Variants in SYT3 observed in about 807,000 individuals in gnomAD.
SYT3 encodes the protein synaptotagmin-3.
Under a neutral mutation model 50.6 loss-of-function variants are expected in SYT3, and 25 were observed. The observed-to-expected ratio is 0.49, with a 90% CI of 0.36 to 0.69. The LOEUF is 0.69. SYT3 is among the 30% of genes least tolerant of loss of function. The pLI is 0.00. For missense variants in SYT3, 589 were observed against 793.6 expected (o/e 0.74, Z 3.10); for synonymous variants, 323 against 353.9 (o/e 0.91, Z 0.98).
chr19:50,648,460 A>G, the SYT3 span, among the ~76,000 whole-genome samples: 3 of 152,190 alleles, frequency 2.0e-5, no homozygotes, highest in Non-Finnish European at 4.4e-5. Flanking sequence ...CAGACAAAAC[A>G]AATAAGCGAA....
chr19:50,649,995 CCT>C, the SYT3 span, among the ~76,000 whole-genome samples: 2 of 152,204 alleles, frequency 1.3e-5, no homozygotes, highest in East Asian at 3.9e-4. Context: ...CCCATTCCTT[CCT>C]CTCTGTCCCC....
At chr19:50,648,764 C>G in the SYT3 span, among the ~76,000 whole-genome samples, 1 of 152,150 alleles carries the variant, frequency 6.6e-6, no homozygotes, top group Non-Finnish European at 1.5e-5. Flanking sequence ...AGAGAACCCA[C>G]TTTCGTTGGA....
the SYT3 span, among the ~76,000 whole-genome samples, chr19:50,648,540 C>T: frequency 2.7e-5 from 4 of 150,882 alleles, no homozygotes; most frequent in East Asian, 7.7e-4. Flanking sequence ...GCTGAACAGG[C>T]ACCTACACGG....
chr19:50,632,605 C>G lies in SYT3; in HGVS notation c.355G>C (p.Ala119Pro). ...AGCAGAGGATGGCCACCCAGGCCAG[C>G]CGCCAGGTGGTGCCCGCCTCCGCCT... is the stretch of plus-strand genomic sequence containing the variant. ...LVGGGGHHLA[A>P]GLGGHPLLGG... Residue 119 changes from alanine (A) to proline (P), a missense_variant, in exon 4 of 11, where the codon GCT becomes CCT. Physicochemically the swap from Ala to Pro is conservative, Grantham distance 27 (BLOSUM62 -1). Around this residue, in one of 2 missense-constraint regions of SYT3, gnomAD observed 316 missense variants for 354.3 expected, o/e 0.89. Transcript: ENST00000600079. This position sits in a 1 kb window ranked among gnomAD's most constrained non-coding sequence, Gnocchi z 4.7. 1.3e-6 allele frequency: 2 copies of G among 1,577,642 alleles called. No homozygotes were observed. Among genetic ancestry groups the G allele is most frequent in the Non-Finnish European group, 8.6e-7 (1 of 1,161,994 alleles).
chr19:50,623,992 C>T (rs1183366893), intron 9 of SYT3, among the ~76,000 whole-genome samples: 5 of 150,266 alleles, frequency 3.3e-5, no homozygotes, highest in East Asian at 1.9e-4. Context: ...AGAGGGGTTC[C>T]TGCTCCATTG....
intron 2 of SYT3, among the ~76,000 whole-genome samples, chr19:50,638,210 G>A (rs938462422): frequency 2.6e-5 from 4 of 152,136 alleles, no homozygotes; most frequent in East Asian, 1.9e-4. Context: ...AGCCACAGGC[G>A]GGGGGCAGTG....
At chr19:50,651,958 T>A in the SYT3 span, among the ~76,000 whole-genome samples, 1 of 152,226 alleles carries the variant, frequency 6.6e-6, no homozygotes, top group African/African-American at 2.4e-5. Context: ...TTGATTCATT[T>A]AACGCTTGTA....
the SYT3 span, among the ~76,000 whole-genome samples, chr19:50,646,004 T>G: frequency 6.6e-6 from 1 of 151,040 alleles, no homozygotes. Context: ...GAGGCACAGA[T>G]AGATGGAGAC....
intron 3 of SYT3, among the ~76,000 whole-genome samples, chr19:50,636,009 T>C (rs1379218736): frequency 6.6e-6 from 1 of 152,106 alleles, no homozygotes; most frequent in East Asian, 1.9e-4. Context: ...TCCCAGCACT[T>C]TGGGAGGCTG....
the SYT3 span, among the ~76,000 whole-genome samples, chr19:50,651,234 A>C: frequency 6.6e-6 from 1 of 152,218 alleles, no homozygotes; most frequent in Non-Finnish European, 1.5e-5. Context: ...TTGGGGCTCA[A>C]GGGAATTCTG....
chr19:50,639,990 C>A (rs1031881403), upstream of SYT3, among the ~76,000 whole-genome samples: 1 of 152,160 alleles, frequency 6.6e-6, no homozygotes, highest in African/African-American at 2.4e-5. This position sits in a 1 kb window ranked among gnomAD's most constrained non-coding sequence, Gnocchi z 4.6. Context: ...GGAGATTGCC[C>A]GGGACTAAGG....
At chr19:50,656,425 CCA>C in the SYT3 span, 1 of 1,452,994 alleles carries the variant, frequency 6.9e-7, no homozygotes, top group Non-Finnish European at 9.1e-7. Flanking sequence ...AGCAGTGTGG[CCA>C]GAGTTTAAAT....
chr19:50,649,840 C>T, the SYT3 span: 1 of 493,538 alleles, frequency 2.0e-6, no homozygotes, highest in Non-Finnish European at 4.0e-6. Flanking sequence ...TCAGCATCTT[C>T]CCCCAAAGCT....
chr19:50,653,690 AC>A, the SYT3 span, among the ~76,000 whole-genome samples: 5 of 23,928 alleles, frequency 2.1e-4, no homozygotes, highest in East Asian at 4.0e-3. Context: ...CAGCACACAC[AC>A]ACACACACAC....
chr19:50,635,305 T>C (rs1023954311), intron 3 of SYT3, among the ~76,000 whole-genome samples: 16 of 152,072 alleles, frequency 1.1e-4, no homozygotes, highest in African/African-American at 3.6e-4. Context: ...TGAACACAGG[T>C]TGAGTTGAGA....
rs1599821311 is a variant in SYT3 at position 50,637,800 on chromosome 19, A to C, written c.-15-374T>G. The C allele has an allele frequency of 4.8e-5, 9 of 186,298 alleles. No homozygotes were observed. The East Asian group carries it at 1.3e-3, about 27-fold the overall frequency. The allele number at this position is 186,298 out of a possible 1,614,324, so 11.5% of individuals were successfully genotyped here. ...AAGGGCAGTGAAGGGGCTAAGAATG[A>C]GGATGCACAAATAAAGGGATGGACA... On this transcript the variant is annotated intron_variant, in intron 2 of 10. Transcript: ENST00000600079. The surrounding 1 kb of genome is among the most constrained non-coding windows in gnomAD (Gnocchi z 4.9).
chr19:50,656,236 C>T, the SYT3 span: 1 of 1,536,118 alleles, frequency 6.5e-7, no homozygotes, highest in South Asian at 1.2e-5. Flanking sequence ...AAAGCAGTAC[C>T]TGCGGCAGGT....
intron 4 of SYT3, among the ~76,000 whole-genome samples, chr19:50,630,492 G>A (rs1422141123): frequency 6.7e-6 from 1 of 150,252 alleles, no homozygotes; most frequent in Non-Finnish European, 1.5e-5. Flanking sequence ...GCGCGATCTC[G>A]GCCCACTGCA....
chr19:50,636,170 C>T (rs1368646761), intron 3 of SYT3, among the ~76,000 whole-genome samples: 1 of 152,186 alleles, frequency 6.6e-6, no homozygotes, highest in Admixed American at 6.5e-5. Flanking sequence ...AGGAGAATCA[C>T]TTGAACCTGG....
Sources: gnomAD v4.1 joint callset for allele counts (sites outside exome capture counted in the v4.1 genomes callset) on GRCh38, gnomAD v4.1.1 for gene constraint, gnomAD v4.1.1 regional missense constraint, Gnocchi (gnomAD v3.1) non-coding constraint, MANE v1.5 for transcripts, NCBI Gene and HGNC (gene_info 2026-07-23, HGNC 2026-07-21) for gene names.